PHF24: variants seen among roughly 807,000 people sequenced by gnomAD.
The protein encoded by PHF24 is Galpha inhibitory interacting protein.
In PHF24, 25 loss-of-function variants were observed where a neutral mutation model predicts 42.6. The observed-to-expected ratio is 0.59, with a 90% CI of 0.43 to 0.82. PHF24 has a LOEUF of 0.82. Ranked by LOEUF, PHF24 falls within the 40% of genes least tolerant of loss-of-function variation. The pLI is 0.00. For synonymous variants in PHF24, 185 were observed against 204.8 expected (o/e 0.90, Z 0.83); for missense variants, 470 against 538.1 (o/e 0.87, Z 1.25).
At chr9:34,814,327 T>G in the PHF24 span, among the ~76,000 whole-genome samples, 3 of 152,230 alleles carry the variant, frequency 2.0e-5, no homozygotes, top group Non-Finnish European at 4.4e-5. Context: ...CAACCTGTCC[T>G]GGGCCATACT....
the PHF24 span, chr9:34,680,959 C>T: frequency 6.6e-6 from 1 of 152,178 alleles, no homozygotes; most frequent in African/African-American, 2.4e-5. Context: ...TACTTCTCAT[C>T]TTGGGAGTTA....
chr9:34,875,942 A>ACTCTCTCTCT, the PHF24 span, among the ~76,000 whole-genome samples: 5 of 86,776 alleles, frequency 5.8e-5, no homozygotes, highest in African/African-American at 2.6e-4. Context: ...ACACACACAC[A>ACTCTCTCTCT]CACACACACT....
chr9:34,698,238 G>A, the PHF24 span, among the ~76,000 whole-genome samples: 1 of 152,008 alleles, frequency 6.6e-6, no homozygotes. Context: ...GGGGCTGGGG[G>A]ATCCTGGATC....
chr9:34,900,926 CT>C, the PHF24 span, among the ~76,000 whole-genome samples: 1 of 152,174 alleles, frequency 6.6e-6, no homozygotes, highest in African/African-American at 2.4e-5. Context: ...TAAATTCTCT[CT>C]TTATAAATTA....
the PHF24 span, among the ~76,000 whole-genome samples, chr9:34,949,955 T>A: frequency 4.0e-5 from 6 of 151,530 alleles, no homozygotes; most frequent in African/African-American, 1.5e-4. Context: ...TCATGGCACA[T>A]GTATACCTAC....
chr9:34,727,284 A>G, the PHF24 span, among the ~76,000 whole-genome samples: 1 of 152,198 alleles, frequency 6.6e-6, no homozygotes, highest in Non-Finnish European at 1.5e-5. Flanking sequence ...TGAAAAGCTG[A>G]ACTAGGAGAA....
the PHF24 span, among the ~76,000 whole-genome samples, chr9:34,795,178 A>C: frequency 6.6e-6 from 1 of 152,092 alleles, no homozygotes; most frequent in Non-Finnish European, 1.5e-5. Context: ...GAGGAGGTTG[A>C]GGCTGCATAG....
chr9:34,809,404 A>G, the PHF24 span, among the ~76,000 whole-genome samples: 1 of 152,192 alleles, frequency 6.6e-6, no homozygotes, highest in Non-Finnish European at 1.5e-5. The surrounding 1 kb of genome is among the most constrained non-coding windows in gnomAD (Gnocchi z 4.1). Flanking sequence ...TGTAATGCAC[A>G]TTAAAGCCTT....
intron 1 of PHF24, among the ~76,000 whole-genome samples, chr9:34,964,469 T>C (rs868838150): frequency 3.3e-5 from 5 of 152,342 alleles, no homozygotes; most frequent in Middle Eastern, 6.8e-3. Context: ...TCCTGCCTAT[T>C]AGGAGTGTTG....
chr9:34,945,590 A>G, the PHF24 span, among the ~76,000 whole-genome samples: 1 of 152,178 alleles, frequency 6.6e-6, no homozygotes, highest in Non-Finnish European at 1.5e-5. Flanking sequence ...TGCCCTCATG[A>G]ATAGACTAAT....
the PHF24 span, among the ~76,000 whole-genome samples, chr9:34,684,871 G>A: frequency 6.6e-6 from 1 of 152,228 alleles, no homozygotes; most frequent in East Asian, 1.9e-4. Context: ...GGTTGGAGCC[G>A]AGGGTGGCTC....
chr9:34,958,088 C>A (rs1826433124), upstream of PHF24, among the ~76,000 whole-genome samples: 1 of 149,368 alleles, frequency 6.7e-6, no homozygotes, highest in African/African-American at 2.4e-5. This position sits in a 1 kb window ranked among gnomAD's most constrained non-coding sequence, Gnocchi z 4.5. Flanking sequence ...ACCCGCCGCC[C>A]GCGGAGCCGC....
the PHF24 span, chr9:34,895,016 T>G: frequency 2.5e-6 from 1 of 398,428 alleles, no homozygotes; most frequent in Non-Finnish European, 4.4e-6. Flanking sequence ...AGAAGTGAAT[T>G]AGAGGAGAGA....
the PHF24 span, among the ~76,000 whole-genome samples, chr9:34,776,460 G>T: frequency 6.6e-6 from 1 of 152,068 alleles, no homozygotes; most frequent in African/African-American, 2.4e-5. Flanking sequence ...TTCTTTCTTT[G>T]TTTGGCCTAG....
At chr9:34,879,349 G>A in the PHF24 span, among the ~76,000 whole-genome samples, 1 of 152,178 alleles carries the variant, frequency 6.6e-6, no homozygotes, top group Non-Finnish European at 1.5e-5. Flanking sequence ...AACAAAGCTG[G>A]ACAGAGAATG....
At chr9:34,912,267 TTCTC>T in the PHF24 span, among the ~76,000 whole-genome samples, 2 of 152,012 alleles carry the variant, frequency 1.3e-5, no homozygotes, top group Non-Finnish European at 1.5e-5. Flanking sequence ...CCTGTTACTT[TTCTC>T]TCTCTCTTTT....
At chr9:34,692,207 T>C in the PHF24 span, among the ~76,000 whole-genome samples, 11 of 152,120 alleles carry the variant, frequency 7.2e-5, no homozygotes, top group Non-Finnish European at 1.5e-5. Flanking sequence ...AGGGGGAACA[T>C]TTCCCTCTTA....
At chr9:34,875,948 ACACTCTCTCT>A in the PHF24 span, among the ~76,000 whole-genome samples, 171 of 79,908 alleles carry the variant, frequency 2.1e-3, no homozygotes, top group African/African-American at 7.5e-3. Context: ...ACACACACAC[ACACTCTCTCT>A]CTCTCTCTCT....
chr9:34,848,506 T>C, the PHF24 span, among the ~76,000 whole-genome samples: 1 of 152,196 alleles, frequency 6.6e-6, no homozygotes, highest in East Asian at 1.9e-4. Context: ...TCTTTATTAG[T>C]TTTGCTAGCG....
Sources: allele counts gnomAD v4.1 joint callset (sites outside exome capture counted in the v4.1 genomes callset), GRCh38; gene constraint gnomAD v4.1.1; non-coding constraint Gnocchi (gnomAD v3.1); transcripts MANE v1.5; gene names NCBI Gene and HGNC (gene_info 2026-07-23, HGNC 2026-07-21).